Variants in MOSMO observed in about 807,000 individuals in gnomAD.
MOSMO encodes modulator of smoothened protein.
A neutral mutation model predicts 18.4 loss-of-function variants in MOSMO; 5 were observed. The ratio of observed to expected loss-of-function variants is 0.27; its 90% CI spans 0.14 to 0.57. MOSMO has a LOEUF of 0.57. Among genes scored for constraint, MOSMO ranks in the 20% least tolerant of loss-of-function variants. The pLI is 0.92. For synonymous variants in MOSMO, 82 were observed against 82.3 expected, an observed-to-expected ratio of 1.00 and a Z score of 0.02; for missense variants, 138 against 211.8, an observed-to-expected ratio of 0.65 and a Z score of 2.16.
At chr16:22,013,788 T>C (rs561741974) in intron 1 of MOSMO, among the ~76,000 whole-genome samples, 3 of 152,126 alleles carry the variant, frequency 2.0e-5, no homozygotes, top group Admixed American at 6.5e-5. Context: ...ATGTTATAGT[T>C]TGTCATAACG....
chr16:22,059,532 A>G (rs1005322777), intron 1 of MOSMO, among the ~76,000 whole-genome samples: 3 of 152,220 alleles, frequency 2.0e-5, no homozygotes, highest in African/African-American at 7.2e-5. Context: ...AAGAGGTTTA[A>G]TGATTCACAG....
rs1371101420 is a variant in MOSMO, at chr16:22,081,871, A to C, written c.*991A>C. 1 of 152,090 alleles carries C rather than the reference A, an allele frequency of 6.6e-6. No individual in the cohort carries two copies. The highest frequency in any genetic ancestry group is 2.1e-4 in the South Asian group (1 of 4,830). The allele number at this position is 152,090 out of a possible 1,614,324, so 9.4% of individuals were successfully genotyped here. A position where few individuals can be genotyped will look rare whatever the true frequency, so the allele number is the denominator to read the frequency against. ...GGTACAGATAATCCCATACCTTTCT[A>C]GGTGCGATTTTAAGTTAAGCTAAAA... On this transcript the variant is annotated 3_prime_UTR_variant, in exon 3 of 3. Coordinates refer to ENST00000542527, the MANE Select transcript of MOSMO (RefSeq NM_001164579.2).
intron 1 of MOSMO, among the ~76,000 whole-genome samples, chr16:22,037,940 C>T (rs1488162207): frequency 4.6e-5 from 7 of 152,158 alleles, no homozygotes; most frequent in South Asian, 2.1e-4. Flanking sequence ...TGGCCATTGA[C>T]GAGCAATTCA....
chr16:22,075,867 C>T, intron 2 of MOSMO, 168 bp downstream of exon 2: 2 of 564,210 alleles, frequency 3.5e-6, no homozygotes, highest in Non-Finnish European at 3.2e-6. Flanking sequence ...CTTCAAAACT[C>T]TTTCTGCAAG....
chr16:22,081,088 C>G lies in MOSMO; in HGVS notation c.*208C>G, dbSNP rs916091365. ...TTAAAAAAAAAAAAAAAAAGGAGAG[C>G]CTTTTCCATAACCAAATACAGACAA... On this transcript the variant is annotated 3_prime_UTR_variant, in exon 3 of 3. Transcript: ENST00000542527. 9.1e-5 allele frequency: 24 copies of G among 264,788 alleles called. No individual in the cohort carries two copies. The highest frequency in any genetic ancestry group is 1.3e-4 in the Non-Finnish European group (19 of 141,270). The allele number at this position is 264,788 out of a possible 1,614,324, so 16.4% of individuals were successfully genotyped here.
intron 1 of MOSMO, among the ~76,000 whole-genome samples, chr16:22,071,527 G>A (rs1158920977): frequency 1.3e-5 from 2 of 152,190 alleles, no homozygotes; most frequent in Non-Finnish European, 2.9e-5. Context: ...CAGACTGGCT[G>A]TATTAAATCG....
downstream of MOSMO, chr16:22,085,990 T>C (rs1382512771): frequency 1.3e-5 from 2 of 152,178 alleles, no homozygotes; most frequent in Admixed American, 6.5e-5. Context: ...TCAAAGAGCA[T>C]GTCCAGTGTT....
chr16:22,033,044 T>C (rs1037922682), intron 1 of MOSMO, among the ~76,000 whole-genome samples: 5 of 152,250 alleles, frequency 3.3e-5, no homozygotes, highest in African/African-American at 1.2e-4. Context: ...CATTGATCTA[T>C]GTCCTTATAC....
At chr16:22,027,359 C>T (rs1340648411) in intron 1 of MOSMO, among the ~76,000 whole-genome samples, 1 of 152,110 alleles carries the variant, frequency 6.6e-6, no homozygotes, top group Non-Finnish European at 1.5e-5. Flanking sequence ...AAAATTTAAC[C>T]GTTATACAAA....
chr16:22,018,113 C>T (rs958074536), intron 1 of MOSMO, among the ~76,000 whole-genome samples: 58 of 152,114 alleles, frequency 3.8e-4, no homozygotes, highest in Non-Finnish European at 2.2e-4. Flanking sequence ...TAAAATATCA[C>T]ATTTGGCATT....
chr16:22,018,880 G>A (rs1899696003), intron 1 of MOSMO, among the ~76,000 whole-genome samples: 1 of 152,162 alleles, frequency 6.6e-6, no homozygotes, highest in South Asian at 2.1e-4. Context: ...AAGGTAGAGA[G>A]GAGGCAGTGA....
At chr16:22,012,347 T>C (rs983164436) in intron 1 of MOSMO, among the ~76,000 whole-genome samples, 2 of 152,148 alleles carry the variant, frequency 1.3e-5, no homozygotes, top group Non-Finnish European at 2.9e-5. Context: ...CTGTGTAAAG[T>C]AGGGATAATA....
intron 1 of MOSMO, among the ~76,000 whole-genome samples, chr16:22,048,645 AT>A (rs1163586315): frequency 6.6e-6 from 1 of 152,034 alleles, no homozygotes; most frequent in African/African-American, 2.4e-5. Flanking sequence ...TATTCCAGAT[AT>A]TGTTATATAG....
chr16:22,045,186 A>G (rs923784651), intron 1 of MOSMO, among the ~76,000 whole-genome samples: 8 of 146,576 alleles, frequency 5.5e-5, no homozygotes, highest in South Asian at 4.5e-4. Context: ...CATTGTCTCA[A>G]AAAAAAAAAA....
At chr16:22,045,368 A>G (rs1320965993) in intron 1 of MOSMO, among the ~76,000 whole-genome samples, 1 of 152,186 alleles carries the variant, frequency 6.6e-6, no homozygotes, top group Admixed American at 6.6e-5. Flanking sequence ...AGGCATAGAA[A>G]GGCAGCGCTG....
chr16:22,029,917 G>T (rs1474305525), intron 1 of MOSMO, among the ~76,000 whole-genome samples: 1 of 152,142 alleles, frequency 6.6e-6, no homozygotes, highest in Admixed American at 6.6e-5. Context: ...CGTGAGCCAT[G>T]GCATCTGGCC....
intron 1 of MOSMO, among the ~76,000 whole-genome samples, chr16:22,018,659 A>G (rs1420652202): frequency 6.6e-6 from 1 of 152,246 alleles, no homozygotes; most frequent in Admixed American, 6.5e-5. Context: ...ATGTTTAAGC[A>G]AATGAAAAAA....
chr16:22,053,923 C>G (rs1320952623), intron 1 of MOSMO, among the ~76,000 whole-genome samples: 12 of 152,062 alleles, frequency 7.9e-5, no homozygotes, highest in Non-Finnish European at 1.5e-5. Flanking sequence ...ATTTTTGTAG[C>G]AAATGTATAT....
chr16:22,008,660 G>C (rs1899446131), intron 1 of MOSMO, among the ~76,000 whole-genome samples: 1 of 151,968 alleles, frequency 6.6e-6, no homozygotes, highest in Admixed American at 6.5e-5. Context: ...GGAGACCTGG[G>C]CTGGGCTGGC....
Sources: gnomAD v4.1 joint callset for allele counts (sites outside exome capture counted in the v4.1 genomes callset) on GRCh38, gnomAD v4.1.1 for gene constraint, MANE v1.5 for transcripts, NCBI Gene and HGNC (gene_info 2026-07-23, HGNC 2026-07-21) for gene names.